The following SGCD variants were observed in gnomAD, a reference collection of about 807,000 sequenced individuals.
The protein encoded by SGCD is delta-sarcoglycan.
A neutral mutation model predicts 36.6 loss-of-function variants in SGCD; 18 were observed. That is an observed-to-expected ratio of 0.49 (90% CI 0.34 to 0.73). SGCD has a LOEUF of 0.73. Ranked by LOEUF, SGCD falls within the 30% of genes least tolerant of loss-of-function variation. The pLI is 0.01. For missense variants in SGCD, 387 were observed against 346.7 expected (o/e 1.12, Z -0.92); for synonymous variants, 133 against 130.6 (o/e 1.02, Z -0.12).
chr5:156,748,855 T>C (rs115822848), intron 7 of SGCD, among the ~76,000 whole-genome samples: 3,834 of 152,200 alleles, frequency 0.025, 95 homozygotes, highest in African/African-American at 0.065. Context: ...TGCAGTGGTG[T>C]GATTTCAGCT....
At chr5:156,115,576 T>C (rs1322948214) in intron 1 of SGCD, among the ~76,000 whole-genome samples, 1 of 152,112 alleles carries the variant, frequency 6.6e-6, no homozygotes, top group Non-Finnish European at 1.5e-5. Flanking sequence ...CATTAATACA[T>C]CTTCAATATC....
intron 3 of SGCD, among the ~76,000 whole-genome samples, chr5:156,159,755 T>C (rs1763047164): frequency 6.6e-6 from 1 of 151,696 alleles, no homozygotes; most frequent in Non-Finnish European, 1.5e-5. Flanking sequence ...TTTACACAGA[T>C]ATTTTTCTTA....
rs72803040 is a variant in SGCD, at chr5:156,759,750, A to G, written c.*360A>G. 0.083 allele frequency: 12,651 copies of G among 152,126 alleles called. 875 individuals carry two copies. Among genetic ancestry groups the G allele is most frequent in the African/African-American group, 0.19 (7,680 of 41,442 alleles). The allele number at this position is 152,126 out of a possible 1,614,324, so 9.4% of individuals were successfully genotyped here. A position where few individuals can be genotyped will look rare whatever the true frequency, so the allele number is the denominator to read the frequency against. ...ACCATTCAGAATCACACAGCGTATTAAACACTGACAGAATCTTCATCTAGA... is the reference window on the plus strand; with the variant it reads ...ACCATTCAGAATCACACAGCGTATTGAACACTGACAGAATCTTCATCTAGA... On this transcript the variant is annotated 3_prime_UTR_variant, in exon 9 of 9. Coordinates refer to ENST00000337851, the MANE Select transcript of SGCD (RefSeq NM_000337.6).
Position 156,413,205 on chromosome 5 carries a change from C to T in SGCD, c.192+68528C>T, listed in dbSNP as rs541994524. ...CACTGGCAAATGCTATAACTAAAAC[C>T]AGCAGGTACTGAGATGGAGAGCAAA... On this transcript the variant is annotated intron_variant, in intron 3 of 8. Transcript: ENST00000337851. 2.0e-4 allele frequency among the ~76,000 whole-genome samples: 31 copies of T among 152,230 alleles called. No homozygotes were observed. The East Asian group carries it at 5.6e-3, about 28-fold the overall frequency.
chr5:156,455,756 G>A (rs1250912135), intron 3 of SGCD, among the ~76,000 whole-genome samples: 1 of 152,200 alleles, frequency 6.6e-6, no homozygotes, highest in African/African-American at 2.4e-5. Context: ...CCAGGTGGCT[G>A]AAATGTGACC....
At chr5:156,363,401 C>T (rs1472090176) in intron 3 of SGCD, among the ~76,000 whole-genome samples, 2 of 152,058 alleles carry the variant, frequency 1.3e-5, no homozygotes, top group African/African-American at 2.4e-5. Flanking sequence ...TATAACATTG[C>T]TTTTGTTTTG....
Position 156,309,015 on chromosome 5 carries a change from A to T in SGCD, c.-43-20519A>T, listed in dbSNP as rs1231449886. ...CTTTTGATGAGAAAGTTGCTAATAA[A>T]TTTATTGAGAATCCCTTGTATGTGG... On this transcript the variant is annotated intron_variant, in intron 3 of 9. Coordinates refer to the SGCD transcript ENST00000517913. Among the ~76,000 whole-genome samples the T allele has an allele frequency of 2.0e-5, 3 of 152,250 alleles. No homozygotes were observed. In the East Asian group the frequency reaches 5.8e-4, roughly 29 times the overall value.
At chr5:156,723,387 A>G (rs139627077) in intron 7 of SGCD, among the ~76,000 whole-genome samples, 1 of 152,302 alleles carries the variant, frequency 6.6e-6, no homozygotes, top group East Asian at 1.9e-4. Flanking sequence ...TTCAACACCT[A>G]TTTATTATAG....
rs1345107830 is a variant in SGCD at position 156,463,070 on chromosome 5, C to T, written c.193-45531C>T. Among the ~76,000 whole-genome samples, 5 of 152,292 alleles carry T rather than the reference C, an allele frequency of 3.3e-5. No homozygotes were observed. In the East Asian group the frequency reaches 9.6e-4, roughly 29 times the overall value. The stretch of plus-strand genomic sequence containing the variant: ...TCAATTTGGAAAGATTGTAATGACA[C>T]TTTGAAAGAGTGGCCCACTCTGGAA... On this transcript the variant is annotated intron_variant, in intron 3 of 8. Coordinates refer to ENST00000337851, the MANE Select transcript of SGCD (RefSeq NM_000337.6).
At chr5:156,624,083 T>A (rs1446869047) in intron 6 of SGCD, among the ~76,000 whole-genome samples, 1 of 152,130 alleles carries the variant, frequency 6.6e-6, no homozygotes, top group Non-Finnish European at 1.5e-5. Flanking sequence ...CAATATGATG[T>A]CTGAGAAATG....
intron 3 of SGCD, among the ~76,000 whole-genome samples, chr5:156,126,820 T>G (rs1336173414): frequency 1.3e-5 from 2 of 152,210 alleles, no homozygotes; most frequent in African/African-American, 4.8e-5. Context: ...CTATGCTGTT[T>G]AAAGTATGTT....
At position 156,691,122 on chromosome 5, in the gene SGCD, G is replaced by A. The variant is rs141748485; in HGVS notation, c.575+43586G>A. ...CTTGGGAGGCTGGGGCAGGACAATC[G>A]CTTGAACCTAGGAAGTGGAGGTTGC... On this transcript the variant is annotated intron_variant, in intron 7 of 8. Transcript: ENST00000337851. Among the ~76,000 whole-genome samples the A allele has an allele frequency of 1.7e-3, 237 of 142,304 alleles. 1 individual carries two copies. The highest frequency in any genetic ancestry group is 5.7e-3 in the African/African-American group (219 of 38,506). The allele number at this position is 142,304 out of a possible 152,430, so 93.4% of individuals were successfully genotyped here.
intron 5 of SGCD, among the ~76,000 whole-genome samples, chr5:156,591,457 C>G (rs1053198923): frequency 2.0e-5 from 3 of 152,096 alleles, no homozygotes; most frequent in African/African-American, 4.8e-5. Flanking sequence ...AATGGGGAAC[C>G]CTCCCACCTA....
upstream of SGCD, among the ~76,000 whole-genome samples, chr5:156,323,849 G>T (rs1342485974): frequency 6.6e-6 from 1 of 152,164 alleles, no homozygotes; most frequent in Admixed American, 6.5e-5. Flanking sequence ...TAATAGGAAG[G>T]AGACTGATGA....
rs568452658 is a variant in SGCD at position 156,345,030 on chromosome 5, TG to T, written c.192+354del. On this transcript the variant is annotated intron_variant, in intron 3 of 8. Transcript: ENST00000337851. ...TTCAAAGTATTAAGTTTTCAGCAAGTGTAGTGATTATAAAAGGTTTTTTGAA... is the reference window on the plus strand; with the variant it reads ...TTCAAAGTATTAAGTTTTCAGCAAGTTAGTGATTATAAAAGGTTTTTTGAA... Among the ~76,000 whole-genome samples the T allele has an allele frequency of 1.0e-3, 154 of 152,322 alleles. 2 individuals carry two copies. The highest frequency in any genetic ancestry group is 3.6e-3 in the African/African-American group (150 of 41,566).
At chr5:156,157,781 T>G (rs1309557547) in intron 3 of SGCD, among the ~76,000 whole-genome samples, 1 of 151,720 alleles carries the variant, frequency 6.6e-6, no homozygotes, top group Non-Finnish European at 1.5e-5. Flanking sequence ...TAAAGTGGTT[T>G]GAATAGGGTT....
At chr5:155,900,427 TA>T (rs144994629) in intron 1 of SGCD, among the ~76,000 whole-genome samples, 3,200 of 150,972 alleles carry the variant, frequency 0.021, 95 homozygotes, top group African/African-American at 0.063. Flanking sequence ...AGCTTTTTTT[TA>T]TTATTATTAT....
intron 1 of SGCD, among the ~76,000 whole-genome samples, chr5:156,074,111 G>T (rs1190892745): frequency 1.3e-5 from 2 of 152,184 alleles, no homozygotes. Flanking sequence ...GCCTCAAATT[G>T]TCTGGTTTAT....
intron 7 of SGCD, among the ~76,000 whole-genome samples, chr5:156,695,747 T>A (rs1253935182): frequency 1.3e-5 from 2 of 152,194 alleles, no homozygotes; most frequent in African/African-American, 2.4e-5. Flanking sequence ...AATTTTTGCA[T>A]CTACTCAGTT....
Sources: allele counts gnomAD v4.1 joint callset (sites outside exome capture counted in the v4.1 genomes callset), GRCh38; gene constraint gnomAD v4.1.1; transcripts MANE v1.5; gene names NCBI Gene and HGNC (gene_info 2026-07-23, HGNC 2026-07-21).